Variants in SLC12A6 observed in about 807,000 individuals in gnomAD.
SLC12A6 encodes the protein solute carrier family 12 member 6, also known as K-Cl cotransporter 3.
In SLC12A6, 66 loss-of-function variants were observed where a neutral mutation model predicts 135.3. The ratio of observed to expected loss-of-function variants is 0.49; its 90% CI spans 0.40 to 0.60. The LOEUF is 0.60. Ranked by LOEUF, SLC12A6 falls within the 20% of genes least tolerant of loss-of-function variation. The probability of loss-of-function intolerance (pLI) is 0.00; values close to 1 mark genes in which losing one functional copy is unlikely to be tolerated. For missense variants in SLC12A6, 1,058 were observed against 1,452.3 expected, an observed-to-expected ratio of 0.73 and a Z score of 4.41; for synonymous variants, 513 against 508.8, an observed-to-expected ratio of 1.01 and a Z score of -0.11.
Position 34,245,829 on chromosome 15 carries a change from G to A in SLC12A6, c.1688C>T (p.Thr563Ile), listed in dbSNP as rs970501910. The change falls in exon 14 of 26, where the codon ACC (threonine) becomes ATC (isoleucine). Residue 563 changes from threonine (T) to isoleucine (I), a missense_variant. Around this residue, in one of 6 missense-constraint regions of SLC12A6, gnomAD observed 170 missense variants for 297.6 expected, o/e 0.57. Coordinates refer to ENST00000354181, the MANE Select transcript of SLC12A6 (RefSeq NM_001365088.1). ...CACCCATGGGGATGGCCAAGATAAG[G>A]TGCCTACCACCAAATTACCTTTCAC... ...DAVKGNLVVGTLSWPSPWVIV... is the reference protein window; with the variant it reads ...DAVKGNLVVGILSWPSPWVIV... 2 of 1,613,580 alleles carry A rather than the reference G, an allele frequency of 1.2e-6. No individual in the cohort carries two copies. The highest frequency in any genetic ancestry group is 2.7e-5 in the African/African-American group (2 of 74,876).
chr15:34,284,272 C>CTTTT (rs1595496165), intron 2 of SLC12A6, among the ~76,000 whole-genome samples: 2 of 118,980 alleles, frequency 1.7e-5, no homozygotes, highest in African/African-American at 3.3e-5. Context: ...TTCTTTGTTT[C>CTTTT]TTTTCTTTTT....
chr15:34,250,198 C>A, intron 13 of SLC12A6, 100 bp downstream of exon 13: 1 of 818,246 alleles, frequency 1.2e-6, no homozygotes, highest in Non-Finnish European at 2.2e-6. Flanking sequence ...AGCCACGGTG[C>A]CTGGCTGTGT....
At chr15:34,300,767 G>T (rs546342167) in intron 2 of SLC12A6, among the ~76,000 whole-genome samples, 1 of 144,484 alleles carries the variant, frequency 6.9e-6, no homozygotes, top group Non-Finnish European at 1.5e-5. Context: ...CTGCACTCTG[G>T]CCTGGGAGAC....
chr15:34,295,247 G>A (rs187972429), intron 2 of SLC12A6, among the ~76,000 whole-genome samples: 5 of 152,266 alleles, frequency 3.3e-5, no homozygotes, highest in East Asian at 1.9e-4. Flanking sequence ...ATCCCAGAGC[G>A]CAGACATGAG....
At chr15:34,248,224 G>A (rs563630933) in intron 13 of SLC12A6, among the ~76,000 whole-genome samples, 3 of 151,980 alleles carry the variant, frequency 2.0e-5, no homozygotes, top group Non-Finnish European at 4.4e-5. Context: ...TTATTTCCAG[G>A]TTTTGGCTAT....
At chr15:34,248,943 T>C (rs530775134) in intron 13 of SLC12A6, among the ~76,000 whole-genome samples, 20 of 152,188 alleles carry the variant, frequency 1.3e-4, no homozygotes, top group African/African-American at 4.1e-4. Context: ...CGTGGAGACA[T>C]AATAAGACAT....
At chr15:34,320,086 G>A (rs958173601) in intron 2 of SLC12A6, among the ~76,000 whole-genome samples, 1 of 152,178 alleles carries the variant, frequency 6.6e-6, no homozygotes, top group Non-Finnish European at 1.5e-5. Flanking sequence ...CCATATTGAT[G>A]ATGTAGTATA....
intron 2 of SLC12A6, among the ~76,000 whole-genome samples, chr15:34,306,609 A>T (rs939660544): frequency 6.6e-6 from 1 of 152,204 alleles, no homozygotes; most frequent in African/African-American, 2.4e-5. Flanking sequence ...ACAGGCTGGA[A>T]GCAGGAATGG....
intron 2 of SLC12A6, among the ~76,000 whole-genome samples, chr15:34,287,984 T>C (rs966234214): frequency 2.0e-5 from 3 of 152,198 alleles, no homozygotes; most frequent in Non-Finnish European, 2.9e-5. Flanking sequence ...TTAGTTTAAT[T>C]AGATCCCATT....
intron 2 of SLC12A6, among the ~76,000 whole-genome samples, chr15:34,301,419 A>G (rs1373715572): frequency 6.6e-6 from 1 of 152,250 alleles, no homozygotes; most frequent in Admixed American, 6.5e-5. Flanking sequence ...GCCAATGGAA[A>G]GAGAAAGCAC....
chr15:34,291,899 G>T (rs922675405), intron 2 of SLC12A6, among the ~76,000 whole-genome samples: 1 of 151,900 alleles, frequency 6.6e-6, no homozygotes, highest in Non-Finnish European at 1.5e-5. Flanking sequence ...TTTTTTCAAA[G>T]ATTTTAGCTT....
intron 2 of SLC12A6, among the ~76,000 whole-genome samples, chr15:34,304,752 T>C (rs1896485698): frequency 6.6e-6 from 1 of 152,228 alleles, no homozygotes; most frequent in African/African-American, 2.4e-5. Context: ...CCTGACTTAC[T>C]TATCACATTG....
Position 34,336,539 on chromosome 15 carries a change from G to T in SLC12A6, c.142C>A (p.Arg48=), listed in dbSNP as rs1306630198. 1 of 1,613,916 alleles carries T rather than the reference G, an allele frequency of 6.2e-7. No individual in the cohort carries two copies. The highest frequency in any genetic ancestry group is 8.5e-7 in the Non-Finnish European group (1 of 1,179,938). The change falls in exon 2 of 26, where the codon CGG becomes AGG. Residue 48 remains arginine (R), a synonymous_variant. Transcript: ENST00000354181. The part of the protein sequence containing the change: ...RSSSRVRFSS[R]ESVPETSRSE... Reference sequence around the variant, plus strand: ...CGGCTTGTTTCAGGCACGCTTTCCCGGGAGCTAAATCTTACTCGGGAACTA... The same window carrying T: ...CGGCTTGTTTCAGGCACGCTTTCCCTGGAGCTAAATCTTACTCGGGAACTA...
In SLC12A6 at chr15:34,229,902, A is replaced by AAAAG; in HGVS notation, c.*3975_*3978dup. 1 of 999,732 alleles carries AAAAG rather than the reference A, an allele frequency of 1.0e-6. No homozygotes were observed. The highest frequency in any genetic ancestry group is 1.3e-5 in the South Asian group (1 of 75,552). 61.9% of individuals were successfully genotyped at this position (999,732 alleles called of 1,614,324 possible). A position where few individuals can be genotyped will look rare whatever the true frequency, so the allele number is the denominator to read the frequency against. On this transcript the variant is annotated 3_prime_UTR_variant, in exon 26 of 26. Transcript: ENST00000354181. Reference sequence around the variant, plus strand: ...CTAATCACTTATGTTAAAAAGAACCAAAAGACTCTTTTCTCCATGGTGGGG... The same window carrying AAAAG: ...CTAATCACTTATGTTAAAAAGAACCAAAAGAAAGACTCTTTTCTCCATGGTGGGG...
At chr15:34,317,109 A>C (rs1459163350) in intron 2 of SLC12A6, among the ~76,000 whole-genome samples, 2 of 152,254 alleles carry the variant, frequency 1.3e-5, no homozygotes, top group Non-Finnish European at 2.9e-5. Context: ...AATCATATTC[A>C]AGTTCAAAGC....
At chr15:34,257,951 C>A in intron 5 of SLC12A6, 163 bp from the exon 6 acceptor site, 1 of 614,530 alleles carries the variant, frequency 1.6e-6, no homozygotes. Context: ...CTCCATCTTT[C>A]AAGTGTTTAT....
chr15:34,246,092 C>T (rs1463087327), intron 13 of SLC12A6, among the ~76,000 whole-genome samples: 2 of 152,040 alleles, frequency 1.3e-5, no homozygotes, highest in South Asian at 2.1e-4. Flanking sequence ...ACCAACACAC[C>T]TGGCTAATTT....
At chr15:34,302,084 G>A (rs899790558) in intron 2 of SLC12A6, among the ~76,000 whole-genome samples, 1 of 152,214 alleles carries the variant, frequency 6.6e-6, no homozygotes, top group Non-Finnish European at 1.5e-5. Context: ...GAACTCAGCA[G>A]TGATGAAGAT....
intron 2 of SLC12A6, among the ~76,000 whole-genome samples, chr15:34,315,673 T>C (rs1402991524): frequency 6.6e-6 from 1 of 152,200 alleles, no homozygotes; most frequent in African/African-American, 2.4e-5. Context: ...ATCATTTTTA[T>C]ATGCAGTGGG....
Sources: gnomAD v4.1 joint callset for allele counts (sites outside exome capture counted in the v4.1 genomes callset) on GRCh38, gnomAD v4.1.1 for gene constraint, gnomAD v4.1.1 regional missense constraint, MANE v1.5 for transcripts, NCBI Gene and HGNC (gene_info 2026-07-23, HGNC 2026-07-21) for gene names.